ZBBX: variants seen among roughly 807,000 people sequenced by gnomAD.
The protein encoded by ZBBX is zinc finger B-box domain-containing protein 1.
Under a neutral mutation model 108.5 loss-of-function variants are expected in ZBBX, and 101 were observed. That is an observed-to-expected ratio of 0.93 (90% CI 0.79 to 1.10). The LOEUF is 1.10. ZBBX is among the 50% of genes least tolerant of loss of function. The pLI is 0.00. For missense variants in ZBBX, 1,009 were observed against 941.4 expected, an observed-to-expected ratio of 1.07 and a Z score of -0.94; for synonymous variants, 356 against 323.4, an observed-to-expected ratio of 1.10 and a Z score of -1.08.
intron 21 of ZBBX, 80 bp downstream of exon 21, chr3:167,242,425 T>G (rs905844442): frequency 1.7e-6 from 2 of 1,201,290 alleles, no homozygotes; most frequent in African/African-American, 3.0e-5. Context: ...TCTTTCTATA[T>G]ATAATAAAGA....
chr3:167,310,590 G>A (rs568394546), intron 16 of ZBBX, among the ~76,000 whole-genome samples: 7 of 152,212 alleles, frequency 4.6e-5, no homozygotes, highest in African/African-American at 1.7e-4. Flanking sequence ...ATGTTGGCGA[G>A]GGCTGGGGAT....
chr3:167,259,660 T>C (rs999643070), intron 20 of ZBBX, among the ~76,000 whole-genome samples: 2 of 152,164 alleles, frequency 1.3e-5, no homozygotes, highest in Non-Finnish European at 2.9e-5. Context: ...CCCAGAGGTT[T>C]TGATACGTTG....
intron 20 of ZBBX, among the ~76,000 whole-genome samples, chr3:167,274,189 A>G (rs975431939): frequency 6.6e-6 from 1 of 152,200 alleles, no homozygotes; most frequent in African/African-American, 2.4e-5. Flanking sequence ...TGTCCAATGA[A>G]CTAGCTAAAA....
chr3:167,368,758 C>A, intron 4 of ZBBX, 184 bp from the exon 5 acceptor site: 1 of 1,251,694 alleles, frequency 8.0e-7, no homozygotes, highest in East Asian at 3.6e-5. Flanking sequence ...AATCCTGAAG[C>A]AAATTATCTC....
intron 20 of ZBBX, among the ~76,000 whole-genome samples, chr3:167,266,824 A>G (rs977157778): frequency 2.0e-5 from 3 of 152,154 alleles, no homozygotes; most frequent in African/African-American, 7.2e-5. Flanking sequence ...GGTGGCTCGT[A>G]TGGGGAGCCC....
chr3:167,224,467 T>C, the ZBBX span, among the ~76,000 whole-genome samples: 3 of 151,940 alleles, frequency 2.0e-5, no homozygotes, highest in Admixed American at 6.6e-5. Context: ...ATGTTAAGTG[T>C]TCTCAAAACA....
intron 1 of ZBBX, among the ~76,000 whole-genome samples, chr3:167,386,597 CACTT>C (rs942411067): frequency 1.3e-5 from 2 of 151,950 alleles, no homozygotes; most frequent in African/African-American, 4.8e-5. Flanking sequence ...ATTTTTTAAT[CACTT>C]AAGTTTCTTA....
chr3:167,391,468 A>C (rs1748083477), intron 1 of ZBBX, among the ~76,000 whole-genome samples: 1 of 151,946 alleles, frequency 6.6e-6, no homozygotes, highest in African/African-American at 2.4e-5. Context: ...TGTTTCTGCC[A>C]GGTTTTGGTA....
chr3:167,228,530 G>C, the ZBBX span, among the ~76,000 whole-genome samples: 1 of 151,762 alleles, frequency 6.6e-6, no homozygotes, highest in Non-Finnish European at 1.5e-5. Context: ...GGAAGACATA[G>C]AAGTAGTTTC....
rs756068586 is a variant in ZBBX, at chr3:167,322,167, T to C, written c.933A>G (p.Lys311=). Residue 311 remains lysine (K), a synonymous_variant, in exon 12 of 22, where the codon AAA becomes AAG. Transcript: ENST00000675490. ...IWREPLNIEL[K]EDILSYMEKL... ...TTTCCATATAGGATAGAATGTCTTC[T>C]TTAAGTTCAATATTAAGTGGTTCTC... 4 of 1,461,708 alleles carry C rather than the reference T, an allele frequency of 2.7e-6. No homozygotes were observed. The South Asian group carries it at 4.7e-5, about 17-fold the overall frequency. 90.5% of individuals were successfully genotyped at this position (1,461,708 alleles called of 1,614,324 possible).
At chr3:167,389,881 T>C (rs1391551447) in intron 1 of ZBBX, among the ~76,000 whole-genome samples, 1 of 152,114 alleles carries the variant, frequency 6.6e-6, no homozygotes, top group Non-Finnish European at 1.5e-5. Flanking sequence ...GTTAGATGGA[T>C]AGATTCCAAA....
Position 167,317,070 on chromosome 3 carries a change from A to G in ZBBX, c.1129T>C (p.Leu377=). The G allele has an allele frequency of 1.2e-6, 2 of 1,610,954 alleles. No homozygotes were observed. Among genetic ancestry groups the G allele is most frequent in the Non-Finnish European group, 1.7e-6 (2 of 1,178,000 alleles). Residue 377 remains leucine (L), a synonymous_variant, in exon 14 of 22, where the codon TTG becomes CTG. Transcript: ENST00000675490. The part of the protein sequence containing the change: ...ETKVQHTALL[L]PVETLNIERP... The stretch of plus-strand genomic sequence containing the variant: ...TCTATGTTTAATGTTTCTACTGGCA[A>G]TAAAAGAGCTGTGTGTTGTACTTTG...
At chr3:167,222,474 T>A in the ZBBX span, among the ~76,000 whole-genome samples, 14 of 151,742 alleles carry the variant, frequency 9.2e-5, no homozygotes, top group Non-Finnish European at 2.9e-5. Flanking sequence ...AAAAAAATAG[T>A]TAGGTACATT....
chr3:167,188,930 A>T, the ZBBX span, among the ~76,000 whole-genome samples: 1 of 152,320 alleles, frequency 6.6e-6, no homozygotes, highest in Non-Finnish European at 1.5e-5. Context: ...AGATTTAAAA[A>T]GACACAGTAA....
At chr3:167,393,843 A>G (rs1277911308) in intron 1 of ZBBX, among the ~76,000 whole-genome samples, 1 of 151,908 alleles carries the variant, frequency 6.6e-6, no homozygotes, top group East Asian at 1.9e-4. Context: ...TAACCTTTTT[A>G]TGGTGAAGAC....
At chr3:167,189,151 T>C in the ZBBX span, among the ~76,000 whole-genome samples, 1 of 152,010 alleles carries the variant, frequency 6.6e-6, no homozygotes, top group Non-Finnish European at 1.5e-5. Flanking sequence ...TTATGTTAAA[T>C]TGCCAAAAAT....
intron 8 of ZBBX, among the ~76,000 whole-genome samples, chr3:167,352,591 A>C (rs984372856): frequency 2.6e-5 from 4 of 152,066 alleles, no homozygotes; most frequent in Non-Finnish European, 5.9e-5. Flanking sequence ...AAACTATTTC[A>C]AAAAAATCAA....
At chr3:167,194,143 G>T in the ZBBX span, among the ~76,000 whole-genome samples, 27,675 of 150,812 alleles carry the variant, frequency 0.18, 2,942 homozygotes, top group Non-Finnish European at 0.25. Context: ...CAAAGAAATG[G>T]TGAATGTTTG....
chr3:167,289,430 T>C (rs962826993), intron 18 of ZBBX, among the ~76,000 whole-genome samples: 11 of 152,304 alleles, frequency 7.2e-5, no homozygotes, highest in Admixed American at 3.3e-4. Context: ...GTTCATCTCA[T>C]TGGGACTGGT....
Sources: gnomAD v4.1 joint callset for allele counts (sites outside exome capture counted in the v4.1 genomes callset) on GRCh38, gnomAD v4.1.1 for gene constraint, MANE v1.5 for transcripts, NCBI Gene and HGNC (gene_info 2026-07-23, HGNC 2026-07-21) for gene names.